Variants in GRID2 observed in about 807,000 individuals in gnomAD.
GRID2 encodes the protein glutamate receptor ionotropic, delta-2.
GRID2 carries 33 observed loss-of-function variants against 114.8 expected under a neutral mutation model. The observed-to-expected ratio is 0.29, with a 90% CI of 0.22 to 0.38. GRID2 has a LOEUF of 0.38. GRID2 is among the 10% of genes least tolerant of loss of function. GRID2 has a pLI of 1.00. For synonymous variants in GRID2, 505 were observed against 449.9 expected, an observed-to-expected ratio of 1.12 and a Z score of -1.55; for missense variants, 1,184 against 1,257.7, an observed-to-expected ratio of 0.94 and a Z score of 0.89.
chr4:93,127,573 C>G (rs891913206), intron 4 of GRID2, among the ~76,000 whole-genome samples: 5 of 152,116 alleles, frequency 3.3e-5, no homozygotes, highest in Non-Finnish European at 5.9e-5. Context: ...ATGTATTTAT[C>G]ACACTAAACC....
intron 2 of GRID2, among the ~76,000 whole-genome samples, chr4:92,690,501 A>G (rs1734133707): frequency 6.6e-6 from 1 of 152,198 alleles, no homozygotes; most frequent in East Asian, 1.9e-4. Context: ...AAAAATTTGG[A>G]AATATCTCAA....
intron 3 of GRID2, among the ~76,000 whole-genome samples, chr4:93,091,953 G>C (rs1730831761): frequency 6.6e-6 from 1 of 152,118 alleles, no homozygotes; most frequent in South Asian, 2.1e-4. Context: ...TTAAAAGTAG[G>C]TGTAGGTAAT....
intron 11 of GRID2, among the ~76,000 whole-genome samples, chr4:93,469,951 A>G (rs1021012268): frequency 6.6e-6 from 1 of 152,114 alleles, no homozygotes; most frequent in African/African-American, 2.4e-5. Context: ...AAATACAGAA[A>G]AAGGATTAGG....
chr4:93,379,379 C>T (rs1303345998), intron 8 of GRID2, among the ~76,000 whole-genome samples: 18 of 151,986 alleles, frequency 1.2e-4, no homozygotes, highest in Admixed American at 6.6e-5. Context: ...GATTTTACTA[C>T]GTATGTCTCT....
chr4:92,806,166 G>GACACACACACACACACACACACACAC (rs56070810), intron 2 of GRID2, among the ~76,000 whole-genome samples: 1 of 133,258 alleles, frequency 7.5e-6, no homozygotes, highest in African/African-American at 2.8e-5. Context: ...ATAGGCTATC[G>GACACACACACACACACACACACACAC]ACACACACAC....
chr4:92,477,074 TGTGTGTGTGTGTGTGTGTGTGTG>T (rs1722353528), intron 1 of GRID2, among the ~76,000 whole-genome samples: 1 of 150,712 alleles, frequency 6.6e-6, no homozygotes, highest in Non-Finnish European at 1.5e-5. Context: ...TGTGTGTGTG[TGTGTGTGTGTGTGTGTGTGTGTG>T]TTTGCTTAGT....
intron 1 of GRID2, among the ~76,000 whole-genome samples, chr4:92,586,381 C>T (rs202176690): frequency 3.2e-4 from 43 of 132,764 alleles, no homozygotes; most frequent in African/African-American, 1.3e-3. Flanking sequence ...CACACACACA[C>T]ACACACACAC....
At chr4:92,577,659 C>G (rs1727961815) in intron 1 of GRID2, among the ~76,000 whole-genome samples, 1 of 152,024 alleles carries the variant, frequency 6.6e-6, no homozygotes, top group South Asian at 2.1e-4. Flanking sequence ...AAATAAATCT[C>G]CAGTTGAAAG....
intron 13 of GRID2, among the ~76,000 whole-genome samples, chr4:93,597,942 G>A (rs1162470457): frequency 6.6e-6 from 1 of 152,106 alleles, no homozygotes; most frequent in Admixed American, 6.5e-5. Context: ...ATAAACTGTT[G>A]CATTGAAAGC....
chr4:92,648,877 T>A (rs1228823994), intron 2 of GRID2, among the ~76,000 whole-genome samples: 1 of 146,970 alleles, frequency 6.8e-6, no homozygotes, highest in African/African-American at 2.6e-5. Flanking sequence ...AATTGATTTT[T>A]AAAATAAAAT....
intron 2 of GRID2, among the ~76,000 whole-genome samples, chr4:92,600,936 C>T (rs189738435): frequency 6.6e-6 from 1 of 152,172 alleles, no homozygotes; most frequent in African/African-American, 2.4e-5. Context: ...GTGCTGGGGG[C>T]ACTCCCATAC....
At chr4:93,687,485 T>G (rs1726174948) in intron 14 of GRID2, among the ~76,000 whole-genome samples, 1 of 151,376 alleles carries the variant, frequency 6.6e-6, no homozygotes, top group South Asian at 2.1e-4. Context: ...TGTTAAGAGG[T>G]GAGATCAAAA....
intron 1 of GRID2, among the ~76,000 whole-genome samples, chr4:92,447,401 T>G (rs1733525353): frequency 6.6e-6 from 1 of 152,172 alleles, no homozygotes; most frequent in Admixed American, 6.5e-5. Context: ...TGCATCTATG[T>G]AAGTGAAAAA....
intron 8 of GRID2, among the ~76,000 whole-genome samples, chr4:93,299,869 A>G (rs1282230227): frequency 1.3e-5 from 2 of 152,304 alleles, no homozygotes; most frequent in Admixed American, 6.5e-5. Context: ...GAATACAAGT[A>G]TGCTTCATGC....
intron 8 of GRID2, among the ~76,000 whole-genome samples, chr4:93,375,948 G>A (rs1437955185): frequency 1.3e-5 from 2 of 152,162 alleles, no homozygotes; most frequent in African/African-American, 4.8e-5. Flanking sequence ...CAGTGGATTG[G>A]GTTTTCCCTG....
intron 8 of GRID2, among the ~76,000 whole-genome samples, chr4:93,307,216 A>G (rs1226568480): frequency 8.2e-6 from 1 of 122,570 alleles, no homozygotes; most frequent in Non-Finnish European, 1.7e-5. Flanking sequence ...AGAAAAAAAT[A>G]AAAAAAAAAA....
chr4:92,982,265 G>A (rs1387315819), intron 2 of GRID2, among the ~76,000 whole-genome samples: 1 of 151,890 alleles, frequency 6.6e-6, no homozygotes, highest in African/African-American at 2.4e-5. Flanking sequence ...TGATATTTGT[G>A]ATAAACATGT....
At chr4:92,754,280 A>G (rs1165220955) in intron 2 of GRID2, among the ~76,000 whole-genome samples, 1 of 152,168 alleles carries the variant, frequency 6.6e-6, no homozygotes, top group African/African-American at 2.4e-5. Flanking sequence ...CAGTATGCTT[A>G]TGAGTTGGGG....
At position 93,685,905 on chromosome 4, in the gene GRID2, CCTCCTTTT is replaced by C. The variant is rs201270635; in HGVS notation, c.2360+59474_2360+59481del. ...GTCCTTAATTTCTGTATGTTCTCAGCCTCCTTTTCTCTAAAACACAGGGGAGAGAGGCT... is the reference window on the plus strand; with the variant it reads ...GTCCTTAATTTCTGTATGTTCTCAGCCTCTAAAACACAGGGGAGAGAGGCT... On this transcript the variant is annotated intron_variant, in intron 14 of 15. Coordinates refer to ENST00000282020, the MANE Select transcript of GRID2 (RefSeq NM_001510.4). 6.1e-3 allele frequency among the ~76,000 whole-genome samples: 926 copies of C among 152,124 alleles called. 12 individuals carry two copies. Among genetic ancestry groups the C allele is most frequent in the African/African-American group, 0.021 (879 of 41,506 alleles).
Sources: gnomAD v4.1 joint callset for allele counts (sites outside exome capture counted in the v4.1 genomes callset) on GRCh38, gnomAD v4.1.1 for gene constraint, MANE v1.5 for transcripts, NCBI Gene and HGNC (gene_info 2026-07-23, HGNC 2026-07-21) for gene names.